The following TTC17 variants were observed in gnomAD, a reference collection of about 807,000 sequenced individuals.
TTC17 encodes tetratricopeptide repeat domain 17.
TTC17 carries 58 observed loss-of-function variants against 143.8 expected under a neutral mutation model. That is an observed-to-expected ratio of 0.40 (90% CI 0.33 to 0.50). The LOEUF (loss-of-function observed/expected upper bound fraction) is 0.50, where lower values mean the gene tolerates loss of function less well. Among genes scored for constraint, TTC17 ranks in the 20% least tolerant of loss-of-function variants. The pLI, the probability that TTC17 is intolerant of heterozygous loss-of-function variation, is 0.49. For synonymous variants in TTC17, 501 were observed against 497.8 expected, an observed-to-expected ratio of 1.01 and a Z score of -0.09; for missense variants, 1,273 against 1,392.5, an observed-to-expected ratio of 0.91 and a Z score of 1.37.
At chr11:43,454,708 C>G (rs1947729236) in intron 21 of TTC17, among the ~76,000 whole-genome samples, 1 of 151,812 alleles carries the variant, frequency 6.6e-6, no homozygotes. Context: ...AAACTTAGAT[C>G]AAAAAGCTTG....
At chr11:43,381,401 T>A (rs1856963290) in intron 2 of TTC17, among the ~76,000 whole-genome samples, 1 of 152,140 alleles carries the variant, frequency 6.6e-6, no homozygotes, top group Admixed American at 6.6e-5. Context: ...ACTATAGTAG[T>A]GTCTGATATG....
intron 21 of TTC17, among the ~76,000 whole-genome samples, chr11:43,470,388 G>C (rs1236928237): frequency 6.6e-6 from 1 of 152,168 alleles, no homozygotes; most frequent in Non-Finnish European, 1.5e-5. Flanking sequence ...GATACCCTAA[G>C]TTCCAATAAA....
intron 9 of TTC17, 80 bp from the exon 10 acceptor site, chr11:43,401,366 C>T: frequency 1.1e-6 from 1 of 941,560 alleles, no homozygotes; most frequent in Non-Finnish European, 1.7e-6. Flanking sequence ...AGGGTTGATA[C>T]TAAATGACTT....
chr11:43,404,620 A>G (rs1205848120), intron 11 of TTC17, among the ~76,000 whole-genome samples: 2 of 152,196 alleles, frequency 1.3e-5, no homozygotes, highest in Non-Finnish European at 2.9e-5. Flanking sequence ...TAGCTAAGAA[A>G]GAATTGTAGG....
intron 16 of TTC17, among the ~76,000 whole-genome samples, chr11:43,438,164 T>A (rs1354212054): frequency 1.3e-5 from 2 of 152,106 alleles, no homozygotes; most frequent in Non-Finnish European, 2.9e-5. Flanking sequence ...GGCCCTATGG[T>A]GGTAATCTTT....
At chr11:43,397,004 T>A (rs1857620276) in intron 6 of TTC17, 186 bp downstream of exon 6, 1 of 473,422 alleles carries the variant, frequency 2.1e-6, no homozygotes. Context: ...AAAGTGATAA[T>A]TGTGTAATAT....
chr11:43,391,486 A>G lies in TTC17; in HGVS notation c.441A>G (p.Thr147=), dbSNP rs148543674. 59 of 1,605,152 alleles carry G rather than the reference A, an allele frequency of 3.7e-5. No individual in the cohort carries two copies. The African/African-American group carries it at 7.1e-4, about 19-fold the overall frequency. The part of the protein sequence containing the change: ...KDISPEDYID[T]ESPVPPDPEQ... ...TTAGTCCTGAAGATTATATAGACACAGAATCTCCTGTCCCTCCAGACCCAG... is the reference window on the plus strand; with the variant it reads ...TTAGTCCTGAAGATTATATAGACACGGAATCTCCTGTCCCTCCAGACCCAG... The change falls in exon 4 of 24, where the codon ACA becomes ACG. Residue 147 remains threonine (T), a synonymous_variant. Transcript: ENST00000039989.
intron 1 of TTC17, among the ~76,000 whole-genome samples, chr11:43,361,978 C>CT (rs35924919): frequency 0.098 from 13,254 of 134,958 alleles, 2,211 homozygotes; most frequent in African/African-American, 0.33. Flanking sequence ...ATCATTATAA[C>CT]TTTTTTTTTT....
chr11:43,474,078 G>C (rs1439671682), intron 21 of TTC17, among the ~76,000 whole-genome samples: 1 of 152,120 alleles, frequency 6.6e-6, no homozygotes, highest in Admixed American at 6.5e-5. Context: ...AACCTGATTT[G>C]TAGCAAATTG....
chr11:43,359,422 T>G, intron 1 of TTC17: 1 of 342,004 alleles, frequency 2.9e-6, no homozygotes, highest in Non-Finnish European at 5.4e-6. Flanking sequence ...GCTCGGGGTT[T>G]AGAAATCACA....
intron 16 of TTC17, among the ~76,000 whole-genome samples, chr11:43,442,606 A>G (rs1482502527): frequency 6.6e-6 from 1 of 152,192 alleles, no homozygotes; most frequent in Non-Finnish European, 1.5e-5. Flanking sequence ...TTGTTATTCA[A>G]GCTTAGAGGA....
intron 15 of TTC17, among the ~76,000 whole-genome samples, chr11:43,411,428 C>G (rs957686762): frequency 6.6e-6 from 1 of 151,944 alleles, no homozygotes; most frequent in Non-Finnish European, 1.5e-5. Flanking sequence ...GCACTCCCCC[C>G]GCCCCCCACA....
Position 43,407,027 on chromosome 11 carries a change from C to A in TTC17, c.1762-111C>A, listed in dbSNP as rs563849902. ...ATATATATGATCATAAATATTTGTT[C>A]AAATTAGCTGTTCCTGAGGAGCTTA... is the stretch of plus-strand genomic sequence containing the variant. On this transcript the variant is annotated intron_variant, in intron 13 of 23. Coordinates refer to ENST00000039989, the MANE Select transcript of TTC17 (RefSeq NM_018259.6). The A allele has an allele frequency of 1.2e-5, 8 of 692,516 alleles. No individual in the cohort carries two copies. The African/African-American group carries it at 1.2e-4, about 11-fold the overall frequency. The allele number at this position is 692,516 out of a possible 1,614,324, so 42.9% of individuals were successfully genotyped here.
chr11:43,476,053 AGG>A (rs1470173655), intron 21 of TTC17, among the ~76,000 whole-genome samples: 21 of 152,312 alleles, frequency 1.4e-4, no homozygotes, highest in African/African-American at 5.1e-4. Context: ...AAAAAACTAG[AGG>A]TAATGACAGA....
At chr11:43,391,379 A>G in intron 3 of TTC17, 86 bp from the exon 4 acceptor site, 1 of 908,022 alleles carries the variant, frequency 1.1e-6, no homozygotes, top group Non-Finnish European at 1.7e-6. Context: ...AGCCTGGGCA[A>G]CAGAATGAGA....
At chr11:43,397,250 C>A in intron 6 of TTC17, 97 bp from the exon 7 acceptor site, 1 of 1,332,898 alleles carries the variant, frequency 7.5e-7, no homozygotes, top group Non-Finnish European at 1.0e-6. Flanking sequence ...ATTTTCTCCA[C>A]CTATATCTTA....
intron 1 of TTC17, among the ~76,000 whole-genome samples, chr11:43,361,701 C>T (rs1441174946): frequency 6.6e-6 from 1 of 152,206 alleles, no homozygotes; most frequent in Non-Finnish European, 1.5e-5. Context: ...CATCTGTATA[C>T]TTTGTCCTGA....
intron 1 of TTC17, among the ~76,000 whole-genome samples, chr11:43,375,133 TC>T (rs1451504572): frequency 6.6e-6 from 1 of 152,204 alleles, no homozygotes; most frequent in Admixed American, 6.5e-5. Flanking sequence ...TGCTTCGTCA[TC>T]CCCATTCTCA....
chr11:43,366,241 G>A (rs754476434), intron 1 of TTC17, among the ~76,000 whole-genome samples: 3 of 151,656 alleles, frequency 2.0e-5, no homozygotes, highest in Non-Finnish European at 4.4e-5. Context: ...TCTAATTCAG[G>A]CCACCTTATT....
Sources: allele counts gnomAD v4.1 joint callset (sites outside exome capture counted in the v4.1 genomes callset), GRCh38; gene constraint gnomAD v4.1.1; transcripts MANE v1.5; gene names NCBI Gene and HGNC (gene_info 2026-07-23, HGNC 2026-07-21).